The following VAV1 variants were observed in gnomAD, a reference collection of about 807,000 sequenced individuals.
VAV1 encodes vav guanine nucleotide exchange factor 1.
VAV1 carries 33 observed loss-of-function variants against 128.1 expected under a neutral mutation model. The ratio of observed to expected loss-of-function variants is 0.26; its 90% CI spans 0.20 to 0.34. The LOEUF (loss-of-function observed/expected upper bound fraction) is 0.34. VAV1 is among the 10% of genes least tolerant of loss of function. The pLI is 1.00. For missense variants in VAV1, 715 were observed against 1,093.7 expected, an observed-to-expected ratio of 0.65 and a Z score of 4.88; for synonymous variants, 394 against 409.8, an observed-to-expected ratio of 0.96 and a Z score of 0.47.
Position 6,822,125 on chromosome 19 carries a change from G to A in VAV1, c.450-96G>A. 1.6e-6 allele frequency: 2 copies of A among 1,267,180 alleles called. No homozygotes were observed. The highest frequency in any genetic ancestry group is 2.2e-6 in the Non-Finnish European group (2 of 899,284). 78.5% of individuals were successfully genotyped at this position (1,267,180 alleles called of 1,614,324 possible). The stretch of plus-strand genomic sequence containing the variant: ...CCTTGGAGTCTGAGGTCCCACCCTT[G>A]GAGTCTTGGGGGGACAAAGCCCTGC... On this transcript the variant is annotated intron_variant, in intron 4 of 26. Transcript: ENST00000602142. The surrounding 1 kb of genome is among the most constrained non-coding windows in gnomAD (Gnocchi z 5.9).
At chr19:6,801,942 C>A (rs332425) in intron 1 of VAV1, among the ~76,000 whole-genome samples, 22,996 of 152,068 alleles carry the variant, frequency 0.15, 2,415 homozygotes, top group African/African-American at 0.3. Context: ...CATATGGGCA[C>A]GATGCCAGCA....
chr19:6,793,350 A>G (rs1488065303), intron 1 of VAV1, among the ~76,000 whole-genome samples: 1 of 152,056 alleles, frequency 6.6e-6, no homozygotes, highest in Non-Finnish European at 1.5e-5. Context: ...AAAGAAAGAA[A>G]GAAAGAAAGG....
At chr19:6,831,531 C>G (rs1972054522) in intron 14 of VAV1, among the ~76,000 whole-genome samples, 1 of 152,186 alleles carries the variant, frequency 6.6e-6, no homozygotes. Flanking sequence ...TCAGGCTGGT[C>G]TCAAACTCCT....
chr19:6,835,615 T>C (rs1972202690), intron 19 of VAV1, among the ~76,000 whole-genome samples: 1 of 152,226 alleles, frequency 6.6e-6, no homozygotes, highest in Non-Finnish European at 1.5e-5. Context: ...GAGTTTTCTA[T>C]AAATAAAATC....
chr19:6,799,844 CA>C (rs60826995), intron 1 of VAV1, among the ~76,000 whole-genome samples: 1,450 of 48,960 alleles, frequency 0.03, 11 homozygotes, highest in African/African-American at 0.075. Flanking sequence ...GAGACTGTCT[CA>C]AAAAAAAAAA....
At chr19:6,821,171 G>A (rs1481555859) in intron 2 of VAV1, among the ~76,000 whole-genome samples, 1 of 152,214 alleles carries the variant, frequency 6.6e-6, no homozygotes, top group African/African-American at 2.4e-5. Context: ...GGAGGCTGAG[G>A]TGGGCAGATC....
chr19:6,807,355 G>A (rs1971416679), intron 1 of VAV1, among the ~76,000 whole-genome samples: 1 of 151,838 alleles, frequency 6.6e-6, no homozygotes, highest in Non-Finnish European at 1.5e-5. Flanking sequence ...CCAGATTCCC[G>A]ATAAGGAGCG....
In VAV1 at chr19:6,822,718, AATAT is replaced by A. The variant is rs1568304217; in HGVS notation, c.654+210_654+213del. 6.7e-6 allele frequency among the ~76,000 whole-genome samples: 1 copy of A among 148,820 alleles called. No individual in the cohort carries two copies. Among genetic ancestry groups the A allele is most frequent in the African/African-American group, 2.4e-5 (1 of 40,968 alleles). On this transcript the variant is annotated intron_variant, in intron 6 of 26. Transcript: ENST00000602142. This position sits in a 1 kb window ranked among gnomAD's most constrained non-coding sequence, Gnocchi z 5.9. ...AGTCTGACGTATATATATATTAAAA[AATAT>A]ATATAAAATATAGGACACTGCCTGC... is the stretch of plus-strand genomic sequence containing the variant.
chr19:6,838,067 T>G (rs1370137310), intron 21 of VAV1, among the ~76,000 whole-genome samples: 1 of 151,390 alleles, frequency 6.6e-6, no homozygotes, highest in Non-Finnish European at 1.5e-5. Flanking sequence ...GAAAGAGCTG[T>G]CCTTTCTGCC....
intron 1 of VAV1, among the ~76,000 whole-genome samples, chr19:6,818,306 A>G (rs1971705473): frequency 6.6e-6 from 1 of 152,184 alleles, no homozygotes; most frequent in African/African-American, 2.4e-5. Context: ...ATCAGGGTGT[A>G]TTTGTTTGCG....
intron 15 of VAV1, 62 bp downstream of exon 15, chr19:6,832,262 C>A (rs1057208281): frequency 4.4e-5 from 66 of 1,493,782 alleles, no homozygotes; most frequent in Non-Finnish European, 5.8e-5. Context: ...GAAGGAGGAA[C>A]GTGATCTAGT....
At chr19:6,806,113 G>A (rs1020088613) in intron 1 of VAV1, among the ~76,000 whole-genome samples, 1 of 152,064 alleles carries the variant, frequency 6.6e-6, no homozygotes, top group Non-Finnish European at 1.5e-5. Flanking sequence ...TTGAGATGGA[G>A]TCTCACTCTG....
chr19:6,801,620 C>T (rs1047274431), intron 1 of VAV1, among the ~76,000 whole-genome samples: 1 of 152,130 alleles, frequency 6.6e-6, no homozygotes, highest in Non-Finnish European at 1.5e-5. Flanking sequence ...AAGGGCCCCT[C>T]CACCCACCCT....
chr19:6,773,155 G>A, intron 1 of VAV1, 144 bp downstream of exon 1: 2 of 1,133,578 alleles, frequency 1.8e-6, no homozygotes, highest in Non-Finnish European at 2.5e-6. Flanking sequence ...TGGCCCAGGG[G>A]GTGGTCACAA....
intron 14 of VAV1, among the ~76,000 whole-genome samples, chr19:6,830,138 A>C (rs1381871091): frequency 6.6e-6 from 1 of 152,148 alleles, no homozygotes; most frequent in Non-Finnish European, 1.5e-5. Flanking sequence ...GGCTCACCGC[A>C]ACCTCCGCCT....
chr19:6,772,748 CGGGCGGGT>C lies in VAV1; in HGVS notation c.-56_-49del, dbSNP rs1970530631. 1.3e-6 allele frequency: 2 copies of C among 1,539,478 alleles called. No individual in the cohort carries two copies. Among genetic ancestry groups the C allele is most frequent in the Non-Finnish European group, 1.8e-6 (2 of 1,136,710 alleles). The stretch of plus-strand genomic sequence containing the variant: ...TCCACAGGCGAGCAGGGCAGGCGTG[CGGGCGGGT>C]GGGTGGTGGAGGCTGCGAGGGTGCA... On this transcript the variant is annotated 5_prime_UTR_variant, in exon 1 of 27. Coordinates refer to ENST00000602142, the MANE Select transcript of VAV1 (RefSeq NM_005428.4). The surrounding 1 kb of genome is among the most constrained non-coding windows in gnomAD (Gnocchi z 4.8).
chr19:6,841,026 C>T (rs970278396), intron 21 of VAV1, among the ~76,000 whole-genome samples: 3 of 152,086 alleles, frequency 2.0e-5, no homozygotes, highest in Non-Finnish European at 2.9e-5. Flanking sequence ...GATCTGCCCG[C>T]GTTGGCCTCC....
At chr19:6,780,986 G>A (rs528559012) in intron 1 of VAV1, among the ~76,000 whole-genome samples, 1 of 151,466 alleles carries the variant, frequency 6.6e-6, no homozygotes, top group South Asian at 2.1e-4. Flanking sequence ...TCTGCTCACT[G>A]CAACCTCCAC....
Position 6,820,606 on chromosome 19 carries a change from C to G in VAV1, c.205-96C>G. On this transcript the variant is annotated intron_variant, in intron 1 of 26. Transcript: ENST00000602142. This position sits in a 1 kb window ranked among gnomAD's most constrained non-coding sequence, Gnocchi z 4.4. ...TGGAAGAGGGTCTGTGCTTTCATTTCCCCTCCACACCAGTCCCCAAGCTAG... is the reference window on the plus strand; with the variant it reads ...TGGAAGAGGGTCTGTGCTTTCATTTGCCCTCCACACCAGTCCCCAAGCTAG... 1 of 877,198 alleles carries G rather than the reference C, an allele frequency of 1.1e-6. No individual in the cohort carries two copies. Among genetic ancestry groups the G allele is most frequent in the South Asian group, 1.4e-5 (1 of 69,710 alleles). 54.3% of individuals were successfully genotyped at this position (877,198 alleles called of 1,614,324 possible). A position where few individuals can be genotyped will look rare whatever the true frequency, so the allele number is the denominator to read the frequency against.
Sources: gnomAD v4.1 joint callset for allele counts (sites outside exome capture counted in the v4.1 genomes callset) on GRCh38, gnomAD v4.1.1 for gene constraint, Gnocchi (gnomAD v3.1) non-coding constraint, MANE v1.5 for transcripts, NCBI Gene and HGNC (gene_info 2026-07-23, HGNC 2026-07-21) for gene names.